Variants in SLC36A1 observed in about 807,000 individuals in gnomAD.
SLC36A1 encodes the protein proton-coupled amino acid transporter 1.
In SLC36A1, 30 loss-of-function variants were observed where a neutral mutation model predicts 47.5. The ratio of observed to expected loss-of-function variants is 0.63; its 90% CI spans 0.47 to 0.86. The LOEUF (loss-of-function observed/expected upper bound fraction) is 0.86, where lower values mean the gene tolerates loss of function less well. SLC36A1 is among the 40% of genes least tolerant of loss of function. SLC36A1 has a pLI of 0.00. For synonymous variants in SLC36A1, 255 were observed against 249.7 expected (o/e 1.02, Z -0.20); for missense variants, 517 against 606.0 (o/e 0.85, Z 1.54).
the SLC36A1 span, among the ~76,000 whole-genome samples, chr5:151,379,785 C>T: frequency 6.6e-6 from 1 of 152,142 alleles, no homozygotes; most frequent in Non-Finnish European, 1.5e-5. Flanking sequence ...TTTTGTACTA[C>T]AGTTTTAAAA....
At chr5:151,555,281 A>G in the SLC36A1 span, among the ~76,000 whole-genome samples, 2 of 152,148 alleles carry the variant, frequency 1.3e-5, no homozygotes, top group African/African-American at 4.8e-5. Context: ...TTAAAGGTAA[A>G]TATCTGTTAC....
chr5:151,545,123 A>G, the SLC36A1 span: 1 of 1,614,194 alleles, frequency 6.2e-7, no homozygotes, highest in Non-Finnish European at 8.5e-7. Flanking sequence ...AGAAAGTAGG[A>G]AAGGGTGTCA....
the SLC36A1 span, among the ~76,000 whole-genome samples, chr5:151,352,607 G>A: frequency 6.6e-6 from 1 of 152,232 alleles, no homozygotes; most frequent in Non-Finnish European, 1.5e-5. Flanking sequence ...GCAGGGCTAT[G>A]CTTCCTCCAG....
chr5:151,430,817 T>G, the SLC36A1 span, among the ~76,000 whole-genome samples: 110 of 152,334 alleles, frequency 7.2e-4, no homozygotes, highest in Middle Eastern at 3.4e-3. Context: ...GCAACATCAT[T>G]TCTCCAAGGA....
At chr5:151,471,194 G>A (rs534398878) in intron 7 of SLC36A1, among the ~76,000 whole-genome samples, 37 of 152,288 alleles carry the variant, frequency 2.4e-4, no homozygotes, top group Admixed American at 3.3e-4. Context: ...ACAAAACAGC[G>A]TTGAAGGAAG....
At chr5:151,432,566 A>T (rs1374640620), upstream of SLC36A1, among the ~76,000 whole-genome samples, 2 of 152,206 alleles carry the variant, frequency 1.3e-5, no homozygotes, top group African/African-American at 4.8e-5. Context: ...ATTAAACACT[A>T]ATCTAGGTAA....
the SLC36A1 span, among the ~76,000 whole-genome samples, chr5:151,359,315 T>C: frequency 6.6e-6 from 1 of 152,188 alleles, no homozygotes; most frequent in Non-Finnish European, 1.5e-5. Context: ...CTAATGAATC[T>C]CTCCTGATAC....
the SLC36A1 span, among the ~76,000 whole-genome samples, chr5:151,538,779 A>G: frequency 0.092 from 13,991 of 151,306 alleles, 967 homozygotes; most frequent in African/African-American, 0.19. Context: ...CCAAATTCAA[A>G]CCATCTCCTG....
chr5:151,427,015 G>A, the SLC36A1 span, among the ~76,000 whole-genome samples: 1 of 152,198 alleles, frequency 6.6e-6, no homozygotes, highest in East Asian at 1.9e-4. Context: ...TGGGGCTACA[G>A]GTACAGATGA....
At chr5:151,532,002 T>G in the SLC36A1 span, 2 of 1,608,276 alleles carry the variant, frequency 1.2e-6, no homozygotes, top group Non-Finnish European at 1.7e-6. Flanking sequence ...TGATCCACAC[T>G]GAGGGCGCCT....
At chr5:151,411,229 G>T in the SLC36A1 span, among the ~76,000 whole-genome samples, 4 of 144,700 alleles carry the variant, frequency 2.8e-5, 1 homozygote, top group Non-Finnish European at 6.1e-5. Flanking sequence ...CCTCATAAAT[G>T]AGCAAAGCAG....
the SLC36A1 span, among the ~76,000 whole-genome samples, chr5:151,360,579 A>G: frequency 6.6e-6 from 1 of 152,160 alleles, no homozygotes; most frequent in Non-Finnish European, 1.5e-5. Context: ...CACTCAGTGT[A>G]ACTTTACAGA....
the SLC36A1 span, among the ~76,000 whole-genome samples, chr5:151,415,603 C>T: frequency 6.6e-6 from 1 of 152,192 alleles, no homozygotes; most frequent in East Asian, 1.9e-4. Flanking sequence ...TGTATCTTTT[C>T]TTATTTATTT....
chr5:151,346,176 C>T, the SLC36A1 span, among the ~76,000 whole-genome samples: 2 of 152,212 alleles, frequency 1.3e-5, no homozygotes, highest in Non-Finnish European at 1.5e-5. Context: ...CAGGTGGTTC[C>T]CTCAAGGCCT....
At chr5:151,538,028 A>G in the SLC36A1 span, 18 of 1,278,726 alleles carry the variant, frequency 1.4e-5, no homozygotes, top group South Asian at 2.5e-4. Context: ...TGACTGAGGG[A>G]GGCAGAAGCA....
At chr5:151,479,782 A>G in intron 10 of SLC36A1, 3 of 527,300 alleles carry the variant, frequency 5.7e-6, no homozygotes, top group Non-Finnish European at 6.6e-6. Flanking sequence ...TTACTATCCC[A>G]TATTAAATAA....
the SLC36A1 span, chr5:151,545,118 G>A: frequency 2.3e-5 from 37 of 1,614,060 alleles, no homozygotes; most frequent in Non-Finnish European, 6.8e-6. Context: ...TCAAGAGAAA[G>A]TAGGAAAGGG....
the SLC36A1 span, among the ~76,000 whole-genome samples, chr5:151,427,128 T>C: frequency 2.0e-5 from 3 of 152,222 alleles, no homozygotes; most frequent in South Asian, 6.2e-4. Flanking sequence ...TGATCTCTCT[T>C]TCTTTACCCC....
the SLC36A1 span, chr5:151,510,362 C>T: frequency 6.8e-6 from 4 of 589,766 alleles, no homozygotes; most frequent in Admixed American, 6.0e-5. Flanking sequence ...GGTCCCTGCC[C>T]TCAAACAGCT....
Sources: allele counts gnomAD v4.1 joint callset (sites outside exome capture counted in the v4.1 genomes callset), GRCh38; gene constraint gnomAD v4.1.1; transcripts MANE v1.5; gene names NCBI Gene and HGNC (gene_info 2026-07-23, HGNC 2026-07-21).